Variants in DLGAP1 observed in about 807,000 individuals in gnomAD.
The protein encoded by DLGAP1 is DLG associated protein 1, also known as disks large-associated protein 1.
DLGAP1 carries 11 observed loss-of-function variants against 90.8 expected under a neutral mutation model. The observed-to-expected ratio is 0.12, with a 90% CI of 0.08 to 0.20. DLGAP1 has a LOEUF of 0.20. Ranked by LOEUF, DLGAP1 falls within the 10% of genes least tolerant of loss-of-function variation. The pLI, the probability that DLGAP1 is intolerant of heterozygous loss-of-function variation, is 1.00. For synonymous variants in DLGAP1, 558 were observed against 540.7 expected (o/e 1.03, Z -0.44); for missense variants, 1,050 against 1,333.8 (o/e 0.79, Z 3.31).
At chr18:3,790,780 T>C (rs2065695778) in intron 5 of DLGAP1, among the ~76,000 whole-genome samples, 1 of 152,158 alleles carries the variant, frequency 6.6e-6, no homozygotes, top group African/African-American at 2.4e-5. Context: ...AGTGCATTTG[T>C]GGCGGCAGGC....
chr18:3,977,916 C>T (rs1346137117), intron 3 of DLGAP1: 3 of 359,074 alleles, frequency 8.4e-6, no homozygotes, highest in Admixed American at 3.8e-5. Context: ...ATGACCAACA[C>T]GTTGGTGGTG....
chr18:4,304,657 G>A (rs894646073), intron 1 of DLGAP1, among the ~76,000 whole-genome samples: 5 of 152,192 alleles, frequency 3.3e-5, no homozygotes, highest in Admixed American at 6.5e-5. Flanking sequence ...TTGGCCAGGC[G>A]TGGTGGCTCA....
intron 1 of DLGAP1, among the ~76,000 whole-genome samples, chr18:4,290,468 C>A (rs975289839): frequency 6.6e-6 from 1 of 151,986 alleles, no homozygotes; most frequent in Non-Finnish European, 1.5e-5. Context: ...ACATATGTGG[C>A]GATGAAAGGT....
intron 7 of DLGAP1, among the ~76,000 whole-genome samples, chr18:3,622,461 GTT>G (rs1360023614): frequency 6.6e-6 from 1 of 152,146 alleles, no homozygotes; most frequent in East Asian, 1.9e-4. Context: ...GATGGGGAAA[GTT>G]ACTCTCTCAA....
chr18:3,604,701 G>C (rs2057243583), intron 7 of DLGAP1, among the ~76,000 whole-genome samples: 1 of 152,128 alleles, frequency 6.6e-6, no homozygotes, highest in Admixed American at 6.5e-5. Context: ...AGATCCTACA[G>C]TTTTAATGTT....
chr18:4,259,968 C>A (rs1209688494), intron 1 of DLGAP1, among the ~76,000 whole-genome samples: 1 of 152,018 alleles, frequency 6.6e-6, no homozygotes, highest in Non-Finnish European at 1.5e-5. Flanking sequence ...TAATATGGAC[C>A]AGACCTCCTT....
At chr18:3,543,633 A>G (rs1408417669) in intron 9 of DLGAP1, among the ~76,000 whole-genome samples, 1 of 152,238 alleles carries the variant, frequency 6.6e-6, no homozygotes, top group Non-Finnish European at 1.5e-5. Flanking sequence ...ATATTATCTG[A>G]AACAACTAAA....
At chr18:4,407,374 T>C (rs757194308) in intron 1 of DLGAP1, among the ~76,000 whole-genome samples, 6 of 152,190 alleles carry the variant, frequency 3.9e-5, no homozygotes, top group Non-Finnish European at 8.8e-5. Context: ...GAAAGCTAGA[T>C]AATGAAAGAG....
At chr18:3,869,489 A>G (rs991804731) in intron 4 of DLGAP1, among the ~76,000 whole-genome samples, 2 of 152,228 alleles carry the variant, frequency 1.3e-5, no homozygotes, top group African/African-American at 4.8e-5. Flanking sequence ...CCAGGAGGTC[A>G]AGGCTACAGT....
intron 3 of DLGAP1, among the ~76,000 whole-genome samples, chr18:3,885,123 C>T (rs1250561270): frequency 6.6e-6 from 1 of 152,188 alleles, no homozygotes; most frequent in Non-Finnish European, 1.5e-5. Context: ...GCTGGTGGCA[C>T]CTACTATGGA....
At chr18:3,774,927 T>C (rs571706640) in intron 5 of DLGAP1, among the ~76,000 whole-genome samples, 1 of 152,198 alleles carries the variant, frequency 6.6e-6, no homozygotes, top group African/African-American at 2.4e-5. Context: ...TCCCACCACC[T>C]CCTGCACTCC....
At chr18:3,919,906 C>T (rs959978736) in intron 3 of DLGAP1, among the ~76,000 whole-genome samples, 1 of 152,200 alleles carries the variant, frequency 6.6e-6, no homozygotes, top group African/African-American at 2.4e-5. Context: ...ACACATAGCA[C>T]TGTGAAACAG....
intron 7 of DLGAP1, chr18:3,603,535 C>A (rs1011594703): frequency 8.5e-5 from 13 of 152,114 alleles, no homozygotes; most frequent in African/African-American, 3.1e-4. Flanking sequence ...GAGGCTCAAG[C>A]TGATGAAAAT....
At chr18:4,322,163 G>T (rs771158733) in intron 1 of DLGAP1, among the ~76,000 whole-genome samples, 2 of 151,984 alleles carry the variant, frequency 1.3e-5, no homozygotes, top group Non-Finnish European at 1.5e-5. Context: ...CTATGCCATT[G>T]CACTCCAGCC....
At chr18:4,271,173 G>C (rs1770199203) in intron 1 of DLGAP1, among the ~76,000 whole-genome samples, 1 of 152,148 alleles carries the variant, frequency 6.6e-6, no homozygotes. Flanking sequence ...GTTTTACAAA[G>C]AACTCAAGCT....
intron 3 of DLGAP1, among the ~76,000 whole-genome samples, chr18:3,909,021 C>G (rs1213038462): frequency 6.6e-6 from 1 of 152,120 alleles, no homozygotes; most frequent in African/African-American, 2.4e-5. Flanking sequence ...AAAGCATACT[C>G]TATAAAAATA....
At chr18:3,605,773 C>G (rs981043778) in intron 7 of DLGAP1, among the ~76,000 whole-genome samples, 1 of 152,186 alleles carries the variant, frequency 6.6e-6, no homozygotes, top group African/African-American at 2.4e-5. Context: ...GAGCTTTCTC[C>G]AGAGAGGTTA....
intron 3 of DLGAP1, among the ~76,000 whole-genome samples, chr18:3,988,097 A>G (rs1196282642): frequency 6.6e-6 from 1 of 152,056 alleles, no homozygotes; most frequent in Non-Finnish European, 1.5e-5. Flanking sequence ...TTTTCCTGCA[A>G]CTAGATGGTC....
At chr18:4,009,720 A>G (rs868374466) in intron 2 of DLGAP1, among the ~76,000 whole-genome samples, 40 of 152,314 alleles carry the variant, frequency 2.6e-4, no homozygotes, top group African/African-American at 8.9e-4. Flanking sequence ...AATGGGATTC[A>G]TGTTCCCATG....
Sources: allele counts gnomAD v4.1 joint callset (sites outside exome capture counted in the v4.1 genomes callset), GRCh38; gene constraint gnomAD v4.1.1; transcripts MANE v1.5; gene names NCBI Gene and HGNC (gene_info 2026-07-23, HGNC 2026-07-21).